The following DOK5 variants were observed in gnomAD, a reference collection of about 807,000 sequenced individuals.
DOK5 encodes the protein downstream of tyrosine kinase 5.
A neutral mutation model predicts 43.3 loss-of-function variants in DOK5; 27 were observed. That is an observed-to-expected ratio of 0.62 (90% CI 0.46 to 0.86). DOK5 has a LOEUF of 0.86. Among genes scored for constraint, DOK5 ranks in the 40% least tolerant of loss-of-function variants. The pLI, the probability that DOK5 is intolerant of heterozygous loss-of-function variation, is 0.00. For missense variants in DOK5, 373 were observed against 392.9 expected, an observed-to-expected ratio of 0.95 and a Z score of 0.43; for synonymous variants, 146 against 140.1, an observed-to-expected ratio of 1.04 and a Z score of -0.30.
chr20:54,514,998 G>A (rs1404916072), intron 1 of DOK5, among the ~76,000 whole-genome samples: 3 of 151,498 alleles, frequency 2.0e-5, no homozygotes, highest in Non-Finnish European at 4.4e-5. Flanking sequence ...TTCAGGCTCT[G>A]AGATATGTAT....
In DOK5 at chr20:54,644,262, A is replaced by G. The variant is rs771706823; in HGVS notation, c.856+684A>G. ...CAGAACAGCCCATAGTGTGGACAAC[A>G]TGAACAATGAAAAAATCTGCTTAAA... On this transcript the variant is annotated intron_variant, in intron 7 of 7. Coordinates refer to ENST00000262593, the MANE Select transcript of DOK5 (RefSeq NM_018431.5). 5.9e-5 allele frequency among the ~76,000 whole-genome samples: 9 copies of G among 152,224 alleles called. No individual in the cohort carries two copies. In the East Asian group the frequency reaches 1.7e-3, roughly 29 times the overall value.
At chr20:54,624,139 ACAGT>A (rs1987069564) in intron 6 of DOK5, among the ~76,000 whole-genome samples, 2 of 152,336 alleles carry the variant, frequency 1.3e-5, no homozygotes, top group South Asian at 4.1e-4. Context: ...AGAAATACGC[ACAGT>A]CAGTTATACC....
At chr20:54,585,140 TTGTGTGTGTTGTGTATG>T (rs1428667156) in intron 2 of DOK5, among the ~76,000 whole-genome samples, 6 of 151,898 alleles carry the variant, frequency 4.0e-5, no homozygotes, top group African/African-American at 7.2e-5. Flanking sequence ...ATTGCAAGGC[TTGTGTGTGTTGTGTATG>T]TGTGTGTGTT....
At chr20:54,587,587 T>C (rs565464937) in intron 2 of DOK5, among the ~76,000 whole-genome samples, 1 of 152,312 alleles carries the variant, frequency 6.6e-6, no homozygotes, top group South Asian at 2.1e-4. Flanking sequence ...CGCTCAGGCA[T>C]GACCCAAATA....
intron 1 of DOK5, among the ~76,000 whole-genome samples, chr20:54,497,722 A>G (rs1321342276): frequency 6.6e-6 from 1 of 152,214 alleles, no homozygotes; most frequent in Non-Finnish European, 1.5e-5. Flanking sequence ...AAGACTTCTA[A>G]TAGTAACTAT....
chr20:54,650,180 G>C (rs141531878), intron 7 of DOK5, among the ~76,000 whole-genome samples: 2 of 152,220 alleles, frequency 1.3e-5, no homozygotes, highest in East Asian at 3.9e-4. Context: ...AAAAATTAAG[G>C]AAGAAAATAA....
chr20:54,486,559 A>C (rs1981942824), intron 1 of DOK5, among the ~76,000 whole-genome samples: 1 of 150,886 alleles, frequency 6.6e-6, no homozygotes, highest in African/African-American at 2.5e-5. Flanking sequence ...CTCATTTTAC[A>C]CACACACACA....
chr20:54,480,902 CATCTATCT>C (rs201469324), intron 1 of DOK5, among the ~76,000 whole-genome samples: 1 of 134,888 alleles, frequency 7.4e-6, no homozygotes, highest in Non-Finnish European at 1.6e-5. Context: ...TTAAGGCCTC[CATCTATCT>C]ATCTATCTAT....
chr20:54,517,508 T>C (rs1004953260), intron 1 of DOK5, among the ~76,000 whole-genome samples: 1 of 152,196 alleles, frequency 6.6e-6, no homozygotes, highest in Non-Finnish European at 1.5e-5. Context: ...CTTTGGGTGA[T>C]TTGTTTAATA....
chr20:54,588,940 A>G, intron 4 of DOK5, 134 bp downstream of exon 4: 1 of 899,636 alleles, frequency 1.1e-6, no homozygotes, highest in East Asian at 2.7e-5. Flanking sequence ...CTTTTATCTA[A>G]TCCACAACCT....
rs573265527 is a variant in DOK5 at position 54,528,491 on chromosome 20, C to T, written c.67-26442C>T. Among the ~76,000 whole-genome samples the T allele has an allele frequency of 1.4e-4, 21 of 151,654 alleles. No individual in the cohort carries two copies. In the East Asian group the frequency reaches 2.0e-3, roughly 14 times the overall value. ...TGGTCCAAGATGGCTGTTGAAGCTC[C>T]ACGCATCATGTATCTTCATGACCAG... On this transcript the variant is annotated intron_variant, in intron 1 of 7. Transcript: ENST00000262593.
At chr20:54,649,173 A>G (rs2146838149) in intron 7 of DOK5, among the ~76,000 whole-genome samples, 1 of 152,288 alleles carries the variant, frequency 6.6e-6, no homozygotes, top group South Asian at 2.1e-4. Flanking sequence ...CTCCATTTCA[A>G]TGACTGAAGA....
At chr20:54,628,039 A>G (rs115471489) in intron 6 of DOK5, among the ~76,000 whole-genome samples, 208 of 152,328 alleles carry the variant, frequency 1.4e-3, no homozygotes, top group African/African-American at 4.9e-3. Context: ...ATCAGTAATC[A>G]CATCCTGTGC....
chr20:54,519,852 T>C (rs1983331377), intron 1 of DOK5, among the ~76,000 whole-genome samples: 1 of 152,234 alleles, frequency 6.6e-6, no homozygotes, highest in Admixed American at 6.5e-5. Context: ...CAAGGAGATG[T>C]GATGCATTAG....
At chr20:54,646,248 GTT>G (rs386394048) in intron 7 of DOK5, among the ~76,000 whole-genome samples, 10,741 of 78,746 alleles carry the variant, frequency 0.14, 133 homozygotes, top group East Asian at 0.33. Context: ...TGGTTATACT[GTT>G]TTTTTTTTTT....
chr20:54,576,588 C>T (rs1040177518), intron 2 of DOK5, among the ~76,000 whole-genome samples: 2 of 152,172 alleles, frequency 1.3e-5, no homozygotes, highest in Non-Finnish European at 1.5e-5. Context: ...AGTTGTGTAA[C>T]GAGTGAAGAT....
chr20:54,476,119 A>G (rs778964928), intron 1 of DOK5, 107 bp downstream of exon 1: 18 of 1,561,718 alleles, frequency 1.2e-5, no homozygotes, highest in Non-Finnish European at 1.6e-5. Flanking sequence ...GCGCCGGAGA[A>G]TTGCGCGGTG....
At chr20:54,482,493 A>G (rs746804998) in intron 1 of DOK5, among the ~76,000 whole-genome samples, 2 of 152,098 alleles carry the variant, frequency 1.3e-5, no homozygotes, top group Admixed American at 6.5e-5. Context: ...ATAAACTCAT[A>G]TACTCCTTTT....
At chr20:54,478,154 T>C (rs1361031816) in intron 1 of DOK5, among the ~76,000 whole-genome samples, 1 of 152,204 alleles carries the variant, frequency 6.6e-6, no homozygotes, top group Non-Finnish European at 1.5e-5. Context: ...TCTGGTCTTA[T>C]TTGTTAGCAT....
Sources: allele counts gnomAD v4.1 joint callset (sites outside exome capture counted in the v4.1 genomes callset), GRCh38; gene constraint gnomAD v4.1.1; transcripts MANE v1.5; gene names NCBI Gene and HGNC (gene_info 2026-07-23, HGNC 2026-07-21).